The following NUBPL variants were observed in gnomAD, a reference collection of about 807,000 sequenced individuals.
The protein encoded by NUBPL is NUBP iron-sulfur cluster assembly factor, mitochondrial.
NUBPL carries 31 observed loss-of-function variants against 45.7 expected under a neutral mutation model. The observed-to-expected ratio is 0.68, with a 90% CI of 0.51 to 0.92. NUBPL has a LOEUF of 0.92. Ranked by LOEUF, NUBPL falls within the 40% of genes least tolerant of loss-of-function variation. The probability of loss-of-function intolerance (pLI) is 0.00; values close to 1 mark genes in which losing one functional copy is unlikely to be tolerated. For synonymous variants in NUBPL, 144 were observed against 140.9 expected (o/e 1.02, Z -0.15); for missense variants, 401 against 398.7 (o/e 1.01, Z -0.05).
At chr14:31,747,121 G>A (rs530798838) in intron 6 of NUBPL, among the ~76,000 whole-genome samples, 90 of 143,972 alleles carry the variant, frequency 6.3e-4, no homozygotes, top group Middle Eastern at 3.6e-3. Flanking sequence ...GCAGTAAAGC[G>A]ATTCAGTCCT....
At chr14:31,678,023 G>A (rs2036742287) in intron 6 of NUBPL, among the ~76,000 whole-genome samples, 1 of 152,216 alleles carries the variant, frequency 6.6e-6, no homozygotes, top group Admixed American at 6.5e-5. Context: ...ATGAGGTGCA[G>A]TTCTTCCCAT....
chr14:31,753,737 AG>A (rs1175775834), intron 6 of NUBPL, among the ~76,000 whole-genome samples: 1 of 152,162 alleles, frequency 6.6e-6, no homozygotes, highest in Non-Finnish European at 1.5e-5. Flanking sequence ...TCCCGGGCTC[AG>A]GGCCTGTGAC....
intron 2 of NUBPL, among the ~76,000 whole-genome samples, 178 bp from the exon 3 acceptor site, chr14:31,564,836 A>G (rs2033394398): frequency 2.0e-5 from 3 of 152,128 alleles, no homozygotes; most frequent in Admixed American, 1.3e-4. Flanking sequence ...GTGTTCCTCC[A>G]TGTGCTTGCT....
At chr14:31,768,090 T>G (rs1826830036) in intron 6 of NUBPL, among the ~76,000 whole-genome samples, 1 of 152,236 alleles carries the variant, frequency 6.6e-6, no homozygotes, top group South Asian at 2.1e-4. Flanking sequence ...CCTGTTTCAT[T>G]GCCCTAAGCA....
intron 3 of NUBPL, chr14:31,577,926 C>T: frequency 7.8e-7 from 1 of 1,283,136 alleles, no homozygotes; most frequent in Middle Eastern, 2.1e-4. Flanking sequence ...ATATGTTTAT[C>T]TCATGCCATT....
At chr14:31,759,202 T>A (rs1001787872) in intron 6 of NUBPL, among the ~76,000 whole-genome samples, 25 of 152,224 alleles carry the variant, frequency 1.6e-4, no homozygotes, top group Non-Finnish European at 2.8e-4. Flanking sequence ...TATTCTTTTT[T>A]AAATTTCTTT....
At chr14:31,820,018 T>C (rs1261601334) in intron 7 of NUBPL, among the ~76,000 whole-genome samples, 3 of 151,730 alleles carry the variant, frequency 2.0e-5, no homozygotes, top group Admixed American at 6.6e-5. Flanking sequence ...CGGGTGCCTG[T>C]AGTCCCAGCT....
At chr14:31,732,986 T>A (rs556054119) in intron 6 of NUBPL, among the ~76,000 whole-genome samples, 2 of 152,138 alleles carry the variant, frequency 1.3e-5, no homozygotes, top group Non-Finnish European at 2.9e-5. Flanking sequence ...AAATTCTATG[T>A]TTTCATCTAG....
chr14:31,592,079 T>C (rs183478205), intron 3 of NUBPL, among the ~76,000 whole-genome samples: 1 of 152,218 alleles, frequency 6.6e-6, no homozygotes, highest in East Asian at 1.9e-4. Flanking sequence ...ATAGTTTCCA[T>C]TGAAAACATG....
chr14:31,832,046 G>T (rs1376217748), intron 8 of NUBPL, among the ~76,000 whole-genome samples: 1 of 152,152 alleles, frequency 6.6e-6, no homozygotes, highest in Non-Finnish European at 1.5e-5. Flanking sequence ...AGAGTAAATT[G>T]CTCTTAGGAA....
intron 6 of NUBPL, among the ~76,000 whole-genome samples, chr14:31,753,305 T>C (rs373750425): frequency 1.2e-4 from 18 of 151,504 alleles, no homozygotes; most frequent in South Asian, 4.2e-4. Flanking sequence ...ATCTGGGAGG[T>C]GTATGCAGCC....
At chr14:31,604,907 T>C (rs2034543553) in intron 4 of NUBPL, among the ~76,000 whole-genome samples, 2 of 152,210 alleles carry the variant, frequency 1.3e-5, no homozygotes, top group African/African-American at 4.8e-5. Flanking sequence ...TTCTATGTTA[T>C]CATGCAAAAT....
At chr14:31,814,392 T>C (rs970434564) in intron 7 of NUBPL, among the ~76,000 whole-genome samples, 2 of 152,182 alleles carry the variant, frequency 1.3e-5, no homozygotes, top group South Asian at 4.1e-4. Flanking sequence ...TTTGTTTTTT[T>C]CTTGTAAATT....
chr14:31,615,364 T>C (rs1158227989), intron 4 of NUBPL, among the ~76,000 whole-genome samples: 1 of 152,240 alleles, frequency 6.6e-6, no homozygotes, highest in South Asian at 2.1e-4. Context: ...GTTACATAGG[T>C]ATACACGTGC....
At chr14:31,714,964 C>G (rs1037674960) in intron 6 of NUBPL, among the ~76,000 whole-genome samples, 5 of 152,100 alleles carry the variant, frequency 3.3e-5, no homozygotes, top group Admixed American at 2.6e-4. Context: ...CACTAAACAC[C>G]AGCCTAAACT....
intron 3 of NUBPL, among the ~76,000 whole-genome samples, chr14:31,574,000 G>A (rs1020205256): frequency 6.6e-6 from 1 of 152,164 alleles, no homozygotes; most frequent in African/African-American, 2.4e-5. Flanking sequence ...ACAAATGAAT[G>A]AATGAGTGAG....
chr14:31,615,257 A>C (rs2034868165), intron 4 of NUBPL, among the ~76,000 whole-genome samples: 1 of 151,994 alleles, frequency 6.6e-6, no homozygotes, highest in African/African-American at 2.4e-5. Flanking sequence ...AAGTTTTCTG[A>C]GGCATCCCCA....
intron 6 of NUBPL, among the ~76,000 whole-genome samples, chr14:31,722,172 G>C (rs1035610459): frequency 1.3e-5 from 2 of 151,808 alleles, no homozygotes. Context: ...AATATTTTTG[G>C]TTTTTGTTTT....
chr14:31,670,517 T>C (rs578017233), intron 4 of NUBPL, among the ~76,000 whole-genome samples: 41 of 152,352 alleles, frequency 2.7e-4, no homozygotes, highest in African/African-American at 9.6e-4. Flanking sequence ...TTGTGATTGC[T>C]TTTGCTTTCT....
Sources: gnomAD v4.1 joint callset for allele counts (sites outside exome capture counted in the v4.1 genomes callset) on GRCh38, gnomAD v4.1.1 for gene constraint, MANE v1.5 for transcripts, NCBI Gene and HGNC (gene_info 2026-07-23, HGNC 2026-07-21) for gene names.